CSMD1: variants seen among roughly 807,000 people sequenced by gnomAD.
CSMD1 encodes CUB and sushi domain-containing protein 1.
In CSMD1, 213 loss-of-function variants were observed where a neutral mutation model predicts 417.5. The observed-to-expected ratio is 0.51, with a 90% CI of 0.46 to 0.57. The LOEUF is 0.57. Ranked by LOEUF, CSMD1 falls within the 20% of genes least tolerant of loss-of-function variation. The probability of loss-of-function intolerance (pLI) is 0.00; values close to 1 mark genes in which losing one functional copy is unlikely to be tolerated. For missense variants in CSMD1, 6,923 were observed against 4,529.7 expected (o/e 1.53, Z -15.17); for synonymous variants, 2,862 against 1,736.8 (o/e 1.65, Z -16.11).
intron 5 of CSMD1, among the ~76,000 whole-genome samples, chr8:3,757,528 G>T (rs547946068): frequency 6.6e-6 from 1 of 152,284 alleles, no homozygotes; most frequent in Admixed American, 6.5e-5. Context: ...TGGCCTGCAG[G>T]TACTAGTTTG....
intron 1 of CSMD1, among the ~76,000 whole-genome samples, chr8:4,801,460 G>GT (rs1446464916): frequency 2.3e-4 from 28 of 123,822 alleles, no homozygotes; most frequent in Non-Finnish European, 1.6e-4. Context: ...GCCTCAGATG[G>GT]CTTTTTTTTT....
rs1809792107 is a variant in CSMD1, at chr8:3,025,379, T to TGTGTATTGTGTGGTGTTATTCTGAAACC, written c.7855+3912_7855+3939dup. Among the ~76,000 whole-genome samples the TGTGTATTGTGTGGTGTTATTCTGAAACC allele has an allele frequency of 3.2e-4, 47 of 148,954 alleles. 22 individuals carry two copies. Among genetic ancestry groups the TGTGTATTGTGTGGTGTTATTCTGAAACC allele is most frequent in the African/African-American group, 4.5e-4 (18 of 40,380 alleles). On this transcript the variant is annotated intron_variant, in intron 51 of 69. Coordinates refer to ENST00000635120, the MANE Select transcript of CSMD1 (RefSeq NM_033225.6). ...GTATTGTGTGGTGTTATTCTGAAACTGTGTATTGTGTGGTGTTATTCTGAA... is the reference window on the plus strand; with the variant it reads ...GTATTGTGTGGTGTTATTCTGAAACTGTGTATTGTGTGGTGTTATTCTGAAACCGTGTATTGTGTGGTGTTATTCTGAA...
At chr8:4,230,005 A>T (rs552432738) in intron 3 of CSMD1, among the ~76,000 whole-genome samples, 19 of 152,324 alleles carry the variant, frequency 1.2e-4, no homozygotes, top group Admixed American at 5.2e-4. Context: ...TAATAAATGC[A>T]TATGATTTTG....
intron 3 of CSMD1, among the ~76,000 whole-genome samples, chr8:4,172,592 A>G (rs2131142571): frequency 6.6e-6 from 1 of 152,286 alleles, no homozygotes; most frequent in Admixed American, 6.5e-5. Flanking sequence ...ATGGTAAGGA[A>G]CATCTAACTA....
At position 4,766,909 on chromosome 8, in the gene CSMD1, G is replaced by T. The variant is rs190231322; in HGVS notation, c.86-129351C>A. ...GTTGATATTTTCCGCAGGGCTTGAA[G>T]ATTAGGCCCTATTAAAAATATGTAC... On this transcript the variant is annotated intron_variant, in intron 1 of 69. Coordinates refer to ENST00000635120, the MANE Select transcript of CSMD1 (RefSeq NM_033225.6). 2.1e-3 allele frequency among the ~76,000 whole-genome samples: 316 copies of T among 152,274 alleles called. 2 individuals are homozygous for T. The highest frequency in any genetic ancestry group is 7.2e-3 in the African/African-American group (301 of 41,556).
chr8:4,752,755 A>C (rs1811414271), intron 1 of CSMD1, among the ~76,000 whole-genome samples: 1 of 152,168 alleles, frequency 6.6e-6, no homozygotes, highest in African/African-American at 2.4e-5. Context: ...GCTCCGTGGA[A>C]GGACAAAAGT....
chr8:4,624,325 G>C (rs1423284691), intron 2 of CSMD1, among the ~76,000 whole-genome samples: 2 of 152,034 alleles, frequency 1.3e-5, no homozygotes, highest in African/African-American at 2.4e-5. Flanking sequence ...AATTCTTCGA[G>C]CTCTTGTCAA....
chr8:4,937,310 T>C (rs10112880), intron 1 of CSMD1, among the ~76,000 whole-genome samples: 37,071 of 151,974 alleles, frequency 0.24, 4,600 homozygotes, highest in East Asian at 0.38. Flanking sequence ...TCATGGACTC[T>C]ACAAGTTACT....
At chr8:3,910,056 C>G (rs1808360924) in intron 5 of CSMD1, among the ~76,000 whole-genome samples, 1 of 152,068 alleles carries the variant, frequency 6.6e-6, no homozygotes, top group South Asian at 2.1e-4. Flanking sequence ...AGAGGCATCA[C>G]TAGAGCAAAG....
intron 3 of CSMD1, among the ~76,000 whole-genome samples, chr8:4,185,828 T>A (rs974381662): frequency 6.6e-6 from 1 of 152,208 alleles, no homozygotes; most frequent in African/African-American, 2.4e-5. Flanking sequence ...GAAAGTGCCC[T>A]GCATAAGCAT....
Position 4,419,945 on chromosome 8 carries a change from T to A in CSMD1, c.415+8A>T. 1 of 1,541,262 alleles carries A rather than the reference T, an allele frequency of 6.5e-7. No homozygotes were observed. Among genetic ancestry groups the A allele is most frequent in the South Asian group, 1.2e-5 (1 of 84,454 alleles). ...GAATGCATGTGCAAAACACAACCAATCTCCTACCTTCATATAATGCTTTGA... is the reference window on the plus strand; with the variant it reads ...GAATGCATGTGCAAAACACAACCAAACTCCTACCTTCATATAATGCTTTGA... On this transcript the variant is annotated splice_region_variant and intron_variant, in intron 3 of 69. Coordinates refer to ENST00000635120, the MANE Select transcript of CSMD1 (RefSeq NM_033225.6).
intron 3 of CSMD1, among the ~76,000 whole-genome samples, chr8:4,405,494 T>C (rs1246175144): frequency 6.6e-6 from 1 of 152,148 alleles, no homozygotes; most frequent in East Asian, 1.9e-4. Flanking sequence ...GTGAAGTCAA[T>C]GTGCAACACC....
At chr8:4,956,948 A>G (rs1019876676) in intron 1 of CSMD1, among the ~76,000 whole-genome samples, 15 of 152,320 alleles carry the variant, frequency 9.8e-5, no homozygotes, top group Non-Finnish European at 1.8e-4. Context: ...AAGGGAGGAA[A>G]GCAGCTATTT....
intron 7 of CSMD1, among the ~76,000 whole-genome samples, chr8:3,648,423 T>G (rs867537245): frequency 6.6e-6 from 1 of 152,186 alleles, no homozygotes; most frequent in Non-Finnish European, 1.5e-5. Flanking sequence ...ATGATGCAAC[T>G]CAAATTGAGA....
intron 41 of CSMD1, among the ~76,000 whole-genome samples, chr8:3,130,550 G>A (rs114807486): frequency 0.014 from 2,083 of 152,166 alleles, 42 homozygotes; most frequent in African/African-American, 0.045. Flanking sequence ...ACCTGAATGC[G>A]TCACAGCCAA....
intron 3 of CSMD1, among the ~76,000 whole-genome samples, chr8:4,191,377 CAG>C (rs1799022636): frequency 6.6e-6 from 1 of 151,978 alleles, no homozygotes; most frequent in Non-Finnish European, 1.5e-5. Context: ...GCCTGGGCAA[CAG>C]AGCAAGACTC....
intron 3 of CSMD1, among the ~76,000 whole-genome samples, chr8:4,160,133 A>G (rs1452684636): frequency 6.6e-6 from 1 of 152,136 alleles, no homozygotes; most frequent in Non-Finnish European, 1.5e-5. Flanking sequence ...TAACGTCTTA[A>G]TTCCAAGTAT....
chr8:3,534,080 T>C lies in CSMD1; in HGVS notation c.1345-40354A>G, dbSNP rs147206835. ...CTAGTTTTGACTTCCTTTGAAATGA[T>C]TGTTTTAGTATCTGAGGCTATGAGA... On this transcript the variant is annotated intron_variant, in intron 10 of 69. Transcript: ENST00000635120. 4.3e-3 allele frequency among the ~76,000 whole-genome samples: 654 copies of C among 152,292 alleles called. 4 individuals carry two copies. Among genetic ancestry groups the C allele is most frequent in the African/African-American group, 0.015 (609 of 41,564 alleles).
intron 3 of CSMD1, among the ~76,000 whole-genome samples, chr8:4,388,480 C>A (rs973618653): frequency 6.6e-6 from 1 of 150,468 alleles, no homozygotes; most frequent in Non-Finnish European, 1.5e-5. Flanking sequence ...TATGTTCTCA[C>A]TGATATGTGG....
Sources: gnomAD v4.1 joint callset for allele counts (sites outside exome capture counted in the v4.1 genomes callset) on GRCh38, gnomAD v4.1.1 for gene constraint, MANE v1.5 for transcripts, NCBI Gene and HGNC (gene_info 2026-07-23, HGNC 2026-07-21) for gene names.